TBXAS1: variants seen among roughly 807,000 people sequenced by gnomAD.
The protein encoded by TBXAS1 is thromboxane A synthase 1.
In TBXAS1, 48 loss-of-function variants were observed where a neutral mutation model predicts 60.7. That is an observed-to-expected ratio of 0.79 (90% CI 0.63 to 1.01). The LOEUF (loss-of-function observed/expected upper bound fraction) is 1.01. Ranked by LOEUF, TBXAS1 falls within the 50% of genes least tolerant of loss-of-function variation. The pLI, the probability that TBXAS1 is intolerant of heterozygous loss-of-function variation, is 0.00. For synonymous variants in TBXAS1, 287 were observed against 269.7 expected (o/e 1.06, Z -0.63); for missense variants, 685 against 686.3 (o/e 1.00, Z 0.02).
intron 4 of TBXAS1, among the ~76,000 whole-genome samples, chr7:139,800,372 C>T (rs1477619914): frequency 6.6e-6 from 1 of 152,094 alleles, no homozygotes; most frequent in Non-Finnish European, 1.5e-5. Flanking sequence ...ACGTTTCCAC[C>T]TCTGGCCAGG....
chr7:139,904,993 T>TTCTC (rs751056806), intron 3 of TBXAS1, among the ~76,000 whole-genome samples: 1 of 125,442 alleles, frequency 8.0e-6, no homozygotes, highest in Non-Finnish European at 1.6e-5. Context: ...CTTTCTCTCT[T>TTCTC]TCTCTCTTTC....
At chr7:140,000,971 T>G (rs1813632161) in intron 9 of TBXAS1, among the ~76,000 whole-genome samples, 1 of 152,204 alleles carries the variant, frequency 6.6e-6, no homozygotes, top group African/African-American at 2.4e-5. Context: ...GCAAGATGGG[T>G]GGGACAGCAT....
At chr7:139,879,606 C>A (rs1268631227) in intron 3 of TBXAS1, among the ~76,000 whole-genome samples, 3 of 151,802 alleles carry the variant, frequency 2.0e-5, no homozygotes, top group Non-Finnish European at 4.4e-5. Flanking sequence ...TCAATATATA[C>A]CAATATTGAA....
At chr7:139,831,713 C>G (rs759950582) in intron 1 of TBXAS1, among the ~76,000 whole-genome samples, 9 of 152,200 alleles carry the variant, frequency 5.9e-5, no homozygotes, top group Non-Finnish European at 1.3e-4. Flanking sequence ...AGACAGATCA[C>G]TTGAGGTCAG....
intron 6 of TBXAS1, 46 bp from the exon 7 acceptor site, chr7:139,955,413 C>T (rs1809769359): frequency 3.7e-6 from 6 of 1,613,292 alleles, no homozygotes; most frequent in Non-Finnish European, 5.1e-6. Flanking sequence ...TTGTGGGTAG[C>T]CCCTGCCAGA....
chr7:139,965,256 C>T (rs975487921), intron 9 of TBXAS1, among the ~76,000 whole-genome samples: 3 of 151,758 alleles, frequency 2.0e-5, no homozygotes, highest in Admixed American at 6.6e-5. Context: ...TGGGGCTGTA[C>T]AGACTGTTGC....
chr7:139,981,509 C>T (rs1189750762), intron 9 of TBXAS1, among the ~76,000 whole-genome samples: 2 of 152,212 alleles, frequency 1.3e-5, no homozygotes, highest in Non-Finnish European at 2.9e-5. Flanking sequence ...TGTGTATGAT[C>T]ATCAAGACAC....
intron 9 of TBXAS1, among the ~76,000 whole-genome samples, chr7:139,979,735 A>G (rs1289828787): frequency 1.5e-5 from 2 of 137,830 alleles, no homozygotes; most frequent in Non-Finnish European, 3.1e-5. Flanking sequence ...CTCAATAATA[A>G]TAATAATAAT....
intron 4 of TBXAS1, among the ~76,000 whole-genome samples, chr7:139,929,857 G>A (rs1052023364): frequency 1.8e-4 from 27 of 152,122 alleles, no homozygotes; most frequent in Admixed American, 4.6e-4. Context: ...TCCTCCTGAC[G>A]GCGCTCCCTG....
chr7:139,942,648 T>C (rs540978960), intron 5 of TBXAS1, among the ~76,000 whole-genome samples: 1 of 152,308 alleles, frequency 6.6e-6, no homozygotes, highest in East Asian at 1.9e-4. Flanking sequence ...TGAATCTTCA[T>C]AGATGAGTGC....
chr7:139,813,013 T>C (rs1798055711), intron 4 of TBXAS1, among the ~76,000 whole-genome samples: 1 of 151,564 alleles, frequency 6.6e-6, no homozygotes, highest in Non-Finnish European at 1.5e-5. Context: ...GCCAAGACCA[T>C]GCCACTGCAC....
In TBXAS1 at chr7:139,891,344, G is replaced by A. The variant is rs1373234625; in HGVS notation, c.236+15707G>A. 3.9e-5 allele frequency among the ~76,000 whole-genome samples: 6 copies of A among 152,086 alleles called. No individual in the cohort carries two copies. In the East Asian group the frequency reaches 7.7e-4, roughly 20 times the overall value. Reference sequence around the variant, plus strand: ...TTTTCCAGCACTCAGTGTGGATCATGTCCCTCCAATATAGTATCTCCCATG... The same window carrying A: ...TTTTCCAGCACTCAGTGTGGATCATATCCCTCCAATATAGTATCTCCCATG... On this transcript the variant is annotated intron_variant, in intron 3 of 12. Transcript: ENST00000448866.
At chr7:139,859,004 G>C (rs1266126331) in intron 1 of TBXAS1, among the ~76,000 whole-genome samples, 1 of 152,004 alleles carries the variant, frequency 6.6e-6, no homozygotes, top group African/African-American at 2.4e-5. Flanking sequence ...GAGTAGCTGG[G>C]ATTACAGGCA....
At chr7:139,922,752 C>G (rs555724717) in intron 4 of TBXAS1, among the ~76,000 whole-genome samples, 1 of 152,324 alleles carries the variant, frequency 6.6e-6, no homozygotes, top group Admixed American at 6.5e-5. Flanking sequence ...GGTTCTACCT[C>G]TCACTATTGG....
intron 1 of TBXAS1, among the ~76,000 whole-genome samples, chr7:139,830,720 G>C (rs1003805297): frequency 6.6e-6 from 1 of 152,064 alleles, no homozygotes; most frequent in Admixed American, 6.5e-5. Context: ...GTGCTTAGTC[G>C]ATGTCAGCCA....
rs982278609 is a variant in TBXAS1, at chr7:139,999,757, G to C, written c.1135-7334G>C. 6.6e-6 allele frequency among the ~76,000 whole-genome samples: 1 copy of C among 152,158 alleles called. No individual in the cohort carries two copies. The highest frequency in any genetic ancestry group is 2.4e-5 in the African/African-American group (1 of 41,456). ...AGAGGGCAAGGGCCAGCATCACTTG[G>C]CCTACTTCTTAGTATAAGACCAAGT... On this transcript the variant is annotated intron_variant, in intron 9 of 12. Coordinates refer to ENST00000448866, the MANE Select transcript of TBXAS1 (RefSeq NM_001061.7). The surrounding 1 kb of genome is among the most constrained non-coding windows in gnomAD (Gnocchi z 4.3).
At chr7:139,854,228 A>G (rs1800427078) in intron 1 of TBXAS1, among the ~76,000 whole-genome samples, 1 of 152,176 alleles carries the variant, frequency 6.6e-6, no homozygotes, top group African/African-American at 2.4e-5. Flanking sequence ...CCCTAGAGAA[A>G]AGCCTGGGAA....
intron 4 of TBXAS1, among the ~76,000 whole-genome samples, chr7:139,823,558 C>A (rs1005943141): frequency 3.3e-5 from 5 of 152,066 alleles, no homozygotes; most frequent in African/African-American, 1.2e-4. Flanking sequence ...AAGCTCATAC[C>A]ACCCGTCCTC....
chr7:139,828,832 G>A (rs867096904), upstream of TBXAS1, among the ~76,000 whole-genome samples: 1 of 152,168 alleles, frequency 6.6e-6, no homozygotes, highest in Non-Finnish European at 1.5e-5. Flanking sequence ...GGACTTGGTG[G>A]GATGGTTGTC....
Sources: gnomAD v4.1 joint callset for allele counts (sites outside exome capture counted in the v4.1 genomes callset) on GRCh38, gnomAD v4.1.1 for gene constraint, Gnocchi (gnomAD v3.1) non-coding constraint, MANE v1.5 for transcripts, NCBI Gene and HGNC (gene_info 2026-07-23, HGNC 2026-07-21) for gene names.